Variants in AGBL4 observed in about 807,000 individuals in gnomAD.
AGBL4 encodes the protein cytosolic carboxypeptidase 6.
A neutral mutation model predicts 66.4 loss-of-function variants in AGBL4; 58 were observed. The observed-to-expected ratio is 0.87, with a 90% CI of 0.71 to 1.09. The LOEUF is 1.09. Among genes scored for constraint, AGBL4 ranks in the 50% least tolerant of loss-of-function variants. The probability of loss-of-function intolerance (pLI) is 0.00; values close to 1 mark genes in which losing one functional copy is unlikely to be tolerated. For synonymous variants in AGBL4, 234 were observed against 222.9 expected (o/e 1.05, Z -0.44); for missense variants, 579 against 631.0 (o/e 0.92, Z 0.88).
intron 3 of AGBL4, among the ~76,000 whole-genome samples, chr1:49,551,860 A>G (rs1038974137): frequency 3.3e-5 from 5 of 152,210 alleles, no homozygotes; most frequent in Admixed American, 2.0e-4. Flanking sequence ...AGAACTCCCA[A>G]GATTATATGC....
Position 49,282,306 on chromosome 1 carries a change from C to T in AGBL4, c.283-36442G>A, listed in dbSNP as rs527401025. On this transcript the variant is annotated intron_variant, in intron 3 of 13. Coordinates refer to ENST00000371839, the MANE Select transcript of AGBL4 (RefSeq NM_032785.4). The stretch of plus-strand genomic sequence containing the variant: ...CTAAAGTCCATGCTTTTTTGTTTTA[C>T]ACTATGATAACTCAAATGAAGAGAT... Among the ~76,000 whole-genome samples the T allele has an allele frequency of 2.6e-3, 389 of 152,164 alleles. 1 individual carries two copies. The highest frequency in any genetic ancestry group is 9.1e-3 in the African/African-American group (378 of 41,520).
intron 1 of AGBL4, among the ~76,000 whole-genome samples, chr1:49,981,500 C>G (rs1572005188): frequency 6.6e-6 from 1 of 151,988 alleles, no homozygotes; most frequent in East Asian, 1.9e-4. Flanking sequence ...AGGCATTTTA[C>G]TATTTCCATT....
At chr1:49,270,397 C>T (rs935063493) in intron 3 of AGBL4, among the ~76,000 whole-genome samples, 1 of 152,094 alleles carries the variant, frequency 6.6e-6, no homozygotes, top group Non-Finnish European at 1.5e-5. Context: ...GGCTGGGTAC[C>T]CAAACACACT....
At chr1:49,187,332 T>G (rs1000440695) in intron 4 of AGBL4, 1 of 152,160 alleles carries the variant, frequency 6.6e-6, no homozygotes, top group African/African-American at 2.4e-5. Context: ...TTAATTTCAC[T>G]GAAGTGCATC....
intron 2 of AGBL4, among the ~76,000 whole-genome samples, chr1:49,759,305 T>C (rs916608592): frequency 6.6e-6 from 1 of 152,190 alleles, no homozygotes; most frequent in Non-Finnish European, 1.5e-5. Context: ...AGCCCCTGTA[T>C]AATCACAGGA....
chr1:48,817,751 G>T, intron 6 of AGBL4: 1 of 344,118 alleles, frequency 2.9e-6, no homozygotes, highest in Non-Finnish European at 5.3e-6. Flanking sequence ...AGGACTGGAA[G>T]CCCAGCCTGG....
chr1:49,936,359 G>A (rs1022477966), intron 1 of AGBL4, among the ~76,000 whole-genome samples: 2 of 152,208 alleles, frequency 1.3e-5, no homozygotes, highest in African/African-American at 4.8e-5. Context: ...ATCTGCGTCT[G>A]ATTGGGGTAC....
chr1:48,646,740 A>T (rs1645843160), intron 8 of AGBL4, among the ~76,000 whole-genome samples: 1 of 152,100 alleles, frequency 6.6e-6, no homozygotes, highest in African/African-American at 2.4e-5. Flanking sequence ...GTGTATCAAG[A>T]GGTTAAAACT....
intron 11 of AGBL4, among the ~76,000 whole-genome samples, chr1:48,560,057 T>C (rs968762537): frequency 6.6e-6 from 1 of 152,152 alleles, no homozygotes; most frequent in Non-Finnish European, 1.5e-5. Context: ...ACCTCCTCCA[T>C]GAAATCTTTG....
At chr1:49,510,221 T>G (rs999541648) in intron 3 of AGBL4, among the ~76,000 whole-genome samples, 3 of 151,972 alleles carry the variant, frequency 2.0e-5, no homozygotes, top group African/African-American at 7.2e-5. Context: ...TGTTCCTATT[T>G]CTCCACATCC....
At chr1:49,833,092 G>A (rs1645741714) in intron 2 of AGBL4, among the ~76,000 whole-genome samples, 1 of 152,092 alleles carries the variant, frequency 6.6e-6, no homozygotes, top group African/African-American at 2.4e-5. Flanking sequence ...GAATGGTAAT[G>A]CCTAGGTTTT....
chr1:49,751,545 T>C (rs1307072289), intron 2 of AGBL4, among the ~76,000 whole-genome samples: 2 of 152,192 alleles, frequency 1.3e-5, no homozygotes, highest in Non-Finnish European at 2.9e-5. Context: ...AAATTTTCTT[T>C]TGTGTTGGAT....
chr1:48,912,225 TG>T (rs5774034), intron 5 of AGBL4, among the ~76,000 whole-genome samples: 17,238 of 152,194 alleles, frequency 0.11, 1,587 homozygotes, highest in African/African-American at 0.24. Context: ...AGATTTATCC[TG>T]TATAGCATCG....
chr1:48,993,596 G>C (rs781781857), intron 5 of AGBL4, among the ~76,000 whole-genome samples: 4 of 152,164 alleles, frequency 2.6e-5, no homozygotes, highest in Non-Finnish European at 5.9e-5. Context: ...TTGTGATCCA[G>C]ACCGCCTTTG....
chr1:48,764,967 A>G (rs965414354), intron 6 of AGBL4, among the ~76,000 whole-genome samples: 9 of 152,118 alleles, frequency 5.9e-5, no homozygotes, highest in Non-Finnish European at 1.2e-4. Flanking sequence ...CCATCTGATG[A>G]CAGGAGGCCT....
intron 6 of AGBL4, among the ~76,000 whole-genome samples, chr1:48,681,449 G>T (rs116511444): frequency 0.013 from 2,053 of 152,254 alleles, 23 homozygotes; most frequent in South Asian, 0.05. Flanking sequence ...AAATGCTCCT[G>T]CCCATCAGGG....
chr1:49,347,596 A>T (rs1409410688), intron 3 of AGBL4, among the ~76,000 whole-genome samples: 2 of 151,974 alleles, frequency 1.3e-5, no homozygotes, highest in Admixed American at 6.5e-5. Flanking sequence ...GTGGAGGCTC[A>T]CGCCTGTAAT....
intron 6 of AGBL4, among the ~76,000 whole-genome samples, chr1:48,809,838 C>A (rs922903426): frequency 1.3e-5 from 2 of 152,114 alleles, no homozygotes; most frequent in Non-Finnish European, 2.9e-5. Flanking sequence ...GCAAGTAAGT[C>A]CCCTTGTTTC....
chr1:48,996,462 C>T (rs907818418), intron 5 of AGBL4, among the ~76,000 whole-genome samples: 2 of 152,090 alleles, frequency 1.3e-5, no homozygotes, highest in African/African-American at 2.4e-5. Flanking sequence ...AAAGTGGCCA[C>T]TGTGGAGAAG....
Sources: gnomAD v4.1 joint callset for allele counts (sites outside exome capture counted in the v4.1 genomes callset) on GRCh38, gnomAD v4.1.1 for gene constraint, MANE v1.5 for transcripts, NCBI Gene and HGNC (gene_info 2026-07-23, HGNC 2026-07-21) for gene names.